Variants in KCNJ6 observed in about 807,000 individuals in gnomAD.
The protein encoded by KCNJ6 is G protein-activated inward rectifier potassium channel 2.
A neutral mutation model predicts 34.2 loss-of-function variants in KCNJ6; 9 were observed. That is an observed-to-expected ratio of 0.26 (90% confidence interval 0.16 to 0.46). The LOEUF (loss-of-function observed/expected upper bound fraction) is 0.46, where lower values mean the gene tolerates loss of function less well. Among genes scored for constraint, KCNJ6 ranks in the 20% least tolerant of loss-of-function variants. The pLI, the probability that KCNJ6 is intolerant of heterozygous loss-of-function variation, is 1.00. For synonymous variants in KCNJ6, 196 were observed against 207.1 expected, an observed-to-expected ratio of 0.95 and a Z score of 0.46; for missense variants, 236 against 531.3, an observed-to-expected ratio of 0.44 and a Z score of 5.46.
chr21:37,768,276 C>T (rs933313517), intron 2 of KCNJ6, among the ~76,000 whole-genome samples: 4 of 152,016 alleles, frequency 2.6e-5, no homozygotes, highest in African/African-American at 9.7e-5. Flanking sequence ...TGGTCAGAGA[C>T]CTCTGGGGCA....
intron 2 of KCNJ6, among the ~76,000 whole-genome samples, chr21:37,833,102 C>T (rs935356799): frequency 9.2e-5 from 14 of 152,268 alleles, no homozygotes; most frequent in African/African-American, 2.9e-4. Context: ...GCAACCTCCA[C>T]CTCCCGGGTT....
intron 3 of KCNJ6, among the ~76,000 whole-genome samples, chr21:37,636,149 C>T (rs920014706): frequency 6.6e-6 from 1 of 152,194 alleles, no homozygotes; most frequent in Admixed American, 6.5e-5. Flanking sequence ...TGCCTTTTCC[C>T]TGTTCTATCT....
At chr21:37,655,268 AGAGAGAGAGAGAGAGAGTGT>A (rs2054458218) in intron 3 of KCNJ6, among the ~76,000 whole-genome samples, 1 of 82,938 alleles carries the variant, frequency 1.2e-5, no homozygotes, top group African/African-American at 4.7e-5. Context: ...AGAGAGAGAG[AGAGAGAGAGAGAGAGAGTGT>A]AACCATGAAG....
chr21:37,906,735 C>T (rs2055843606), intron 1 of KCNJ6, among the ~76,000 whole-genome samples: 2 of 152,124 alleles, frequency 1.3e-5, no homozygotes, highest in Non-Finnish European at 2.9e-5. Context: ...CCCAACACTC[C>T]TTGAGTGCTG....
At position 37,616,874 on chromosome 21, in the gene KCNJ6, G is replaced by T. The variant is rs984583694; in HGVS notation, c.*8285C>A. The T allele has an allele frequency of 2.4e-4, 37 of 151,858 alleles. No individual in the cohort carries two copies. Among genetic ancestry groups the T allele is most frequent in the African/African-American group, 7.7e-4 (32 of 41,298 alleles). 9.4% of individuals were successfully genotyped at this position (151,858 alleles called of 1,614,324 possible). A position where few individuals can be genotyped will look rare whatever the true frequency, so the allele number is the denominator to read the frequency against. ...GTGTGGGCACCAGGAGACAGCATAA[G>T]TTGTGTCTGTAAGTGCTGCAATGCA... is the stretch of plus-strand genomic sequence containing the variant. On this transcript the variant is annotated 3_prime_UTR_variant, in exon 4 of 4. Coordinates refer to ENST00000609713, the MANE Select transcript of KCNJ6 (RefSeq NM_002240.5).
At chr21:37,729,332 T>C (rs2054871769) in intron 2 of KCNJ6, among the ~76,000 whole-genome samples, 1 of 119,872 alleles carries the variant, frequency 8.3e-6, no homozygotes, top group Non-Finnish European at 1.8e-5. Flanking sequence ...TCTTCTTCTT[T>C]TTGGGGGGGG....
chr21:37,783,196 C>T (rs534833558), intron 2 of KCNJ6, among the ~76,000 whole-genome samples: 2 of 152,320 alleles, frequency 1.3e-5, no homozygotes, highest in Middle Eastern at 6.8e-3. Flanking sequence ...ATCCTTGATG[C>T]ACGCTGAGGG....
chr21:37,631,461 T>C (rs1207886043), intron 3 of KCNJ6, among the ~76,000 whole-genome samples: 1 of 152,212 alleles, frequency 6.6e-6, no homozygotes, highest in South Asian at 2.1e-4. Flanking sequence ...CTTCTGGGGC[T>C]GGTGAAGAGG....
At chr21:37,856,844 T>C (rs2055567755) in intron 1 of KCNJ6, among the ~76,000 whole-genome samples, 1 of 152,138 alleles carries the variant, frequency 6.6e-6, no homozygotes, top group Non-Finnish European at 1.5e-5. Context: ...GGAAGTTGTA[T>C]GGTTTGGGTA....
At chr21:37,857,093 T>C (rs892571513) in intron 1 of KCNJ6, among the ~76,000 whole-genome samples, 2 of 152,156 alleles carry the variant, frequency 1.3e-5, no homozygotes, top group African/African-American at 4.8e-5. Flanking sequence ...TATGGATAGA[T>C]CTAATTTTAA....
chr21:37,912,511 T>C (rs560279197), intron 1 of KCNJ6, among the ~76,000 whole-genome samples: 10 of 152,382 alleles, frequency 6.6e-5, no homozygotes, highest in African/African-American at 2.4e-4. Context: ...TATTCTCGTA[T>C]AGCTTCATCC....
At chr21:37,860,640 T>A (rs1235544275) in intron 1 of KCNJ6, among the ~76,000 whole-genome samples, 1 of 152,186 alleles carries the variant, frequency 6.6e-6, no homozygotes, top group Non-Finnish European at 1.5e-5. Flanking sequence ...TCACTCACAC[T>A]GCAGTCTTTG....
At chr21:37,871,512 C>T (rs1042885264) in intron 1 of KCNJ6, among the ~76,000 whole-genome samples, 7 of 152,246 alleles carry the variant, frequency 4.6e-5, no homozygotes, top group Non-Finnish European at 8.8e-5. Context: ...CAGCTCTACC[C>T]TTGACAGGAG....
chr21:37,688,210 C>T (rs1179997574), intron 3 of KCNJ6, among the ~76,000 whole-genome samples: 1 of 152,110 alleles, frequency 6.6e-6, no homozygotes, highest in Non-Finnish European at 1.5e-5. Flanking sequence ...ATTCCCAGCT[C>T]ATCTCATTCA....
intron 3 of KCNJ6, among the ~76,000 whole-genome samples, chr21:37,661,638 T>TTTTTTTTTTTTTTA (rs1601408329): frequency 7.3e-6 from 1 of 136,078 alleles, no homozygotes; most frequent in African/African-American, 3.0e-5. Context: ...TTTTTTTTTT[T>TTTTTTTTTTTTTTA]TTGAGACTGG....
chr21:37,755,967 G>A (rs1601455785), intron 2 of KCNJ6, among the ~76,000 whole-genome samples: 1 of 152,238 alleles, frequency 6.6e-6, no homozygotes, highest in East Asian at 1.9e-4. Context: ...GGCTCGAAAT[G>A]CTCAGAGCTT....
intron 2 of KCNJ6, among the ~76,000 whole-genome samples, chr21:37,801,886 C>G (rs146072611): frequency 6.6e-6 from 1 of 152,086 alleles, no homozygotes; most frequent in East Asian, 1.9e-4. Context: ...CAACATTATT[C>G]CCCCCAGTCA....
intron 2 of KCNJ6, among the ~76,000 whole-genome samples, chr21:37,808,537 C>T (rs576627113): frequency 6.6e-6 from 1 of 152,294 alleles, no homozygotes; most frequent in East Asian, 1.9e-4. Context: ...AAGATAGCAG[C>T]TAATCCAATA....
intron 1 of KCNJ6, among the ~76,000 whole-genome samples, chr21:37,860,887 GACAGTATAAT>G (rs60903027): frequency 0.33 from 50,034 of 151,506 alleles, 9,020 homozygotes; most frequent in African/African-American, 0.48. Flanking sequence ...TATGTGGGTA[GACAGTATAAT>G]CTGGGGTTAG....
Sources: allele counts gnomAD v4.1 joint callset (sites outside exome capture counted in the v4.1 genomes callset), GRCh38; gene constraint gnomAD v4.1.1; transcripts MANE v1.5; gene names NCBI Gene and HGNC (gene_info 2026-07-23, HGNC 2026-07-21).